The following TAFA5 variants were observed in gnomAD, a reference collection of about 807,000 sequenced individuals.
TAFA5 encodes chemokine-like protein TAFA-5.
TAFA5 carries 6 observed loss-of-function variants against 15.3 expected under a neutral mutation model. The observed-to-expected ratio is 0.39, with a 90% confidence interval of 0.21 to 0.77. The LOEUF (loss-of-function observed/expected upper bound fraction) is 0.77. Among genes scored for constraint, TAFA5 ranks in the 30% least tolerant of loss-of-function variants. TAFA5 has a pLI of 0.41. For synonymous variants in TAFA5, 103 were observed against 80.7 expected (o/e 1.28, Z -1.48); for missense variants, 161 against 193.1 (o/e 0.83, Z 0.98).
chr22:48,538,657 G>A (rs754064490), intron 1 of TAFA5, among the ~76,000 whole-genome samples: 1 of 152,192 alleles, frequency 6.6e-6, no homozygotes, highest in African/African-American at 2.4e-5. Context: ...TCTTCCACGC[G>A]TCTCTGTGCA....
intron 2 of TAFA5, among the ~76,000 whole-genome samples, chr22:48,688,068 TG>T (rs1928419775): frequency 6.8e-6 from 1 of 147,404 alleles, no homozygotes; most frequent in African/African-American, 2.5e-5. Flanking sequence ...TTATTACAGT[TG>T]GGGTTTTTTA....
At chr22:48,730,951 C>T (rs878932075) in intron 3 of TAFA5, among the ~76,000 whole-genome samples, 1 of 152,190 alleles carries the variant, frequency 6.6e-6, no homozygotes, top group Non-Finnish European at 1.5e-5. Context: ...GATCGAGCTT[C>T]GTGAGGAAGG....
chr22:48,631,472 G>A (rs1443057164), intron 1 of TAFA5, among the ~76,000 whole-genome samples: 8 of 152,218 alleles, frequency 5.3e-5, no homozygotes, highest in African/African-American at 1.7e-4. Flanking sequence ...AGTGGCTCGC[G>A]TGGATATTCC....
At chr22:48,674,743 G>A (rs6010581) in intron 2 of TAFA5, among the ~76,000 whole-genome samples, 9,492 of 152,182 alleles carry the variant, frequency 0.062, 924 homozygotes, top group African/African-American at 0.21. Flanking sequence ...TAGCTTGCCC[G>A]TTGGGTCTGC....
At chr22:48,616,088 C>T (rs1356479550) in intron 1 of TAFA5, among the ~76,000 whole-genome samples, 1 of 152,026 alleles carries the variant, frequency 6.6e-6, no homozygotes, top group African/African-American at 2.4e-5. Context: ...TGTGCTGATT[C>T]TCTGGGACCC....
chr22:48,702,255 AAGATGGGGCT>A, intron 2 of TAFA5, among the ~76,000 whole-genome samples: 1 of 152,166 alleles, frequency 6.6e-6, no homozygotes. Flanking sequence ...TGTGGGATGG[AAGATGGGGCT>A]GACTGGCACC....
chr22:48,626,706 A>C (rs1273087656), intron 1 of TAFA5, among the ~76,000 whole-genome samples: 1 of 152,222 alleles, frequency 6.6e-6, no homozygotes, highest in East Asian at 1.9e-4. Flanking sequence ...CTAATTTATC[A>C]AATGGTTTTC....
intron 1 of TAFA5, chr22:48,544,556 C>T: frequency 2.5e-6 from 1 of 398,500 alleles, no homozygotes; most frequent in Non-Finnish European, 5.2e-6. Flanking sequence ...TGCAACGGCG[C>T]TAACTGCATC....
rs150932673 is a variant in TAFA5 at position 48,656,364 on chromosome 22, G to A, written c.262+9618G>A. Among the ~76,000 whole-genome samples the A allele has an allele frequency of 3.7e-3, 562 of 152,114 alleles. 3 individuals carry two copies. The highest frequency in any genetic ancestry group is 5.6e-3 in the Non-Finnish European group (383 of 67,992). On this transcript the variant is annotated intron_variant, in intron 2 of 3. Coordinates refer to ENST00000402357, the MANE Select transcript of TAFA5 (RefSeq NM_001082967.3). The stretch of plus-strand genomic sequence containing the variant: ...ACTAAAAAATACAAAAAATGAGCTG[G>A]CTGTGGTGGCAGGTGCCTGTAGTCT...
chr22:48,735,992 G>A (rs113469457), intron 3 of TAFA5, among the ~76,000 whole-genome samples: 1,940 of 13,684 alleles, frequency 0.14, 404 homozygotes, highest in African/African-American at 0.4. Flanking sequence ...TCGCACTCCT[G>A]GAGTCCAGAG....
chr22:48,533,041 G>A (rs1285340542), intron 1 of TAFA5, among the ~76,000 whole-genome samples: 1 of 152,180 alleles, frequency 6.6e-6, no homozygotes, highest in Non-Finnish European at 1.5e-5. Flanking sequence ...TGCTGCCAGG[G>A]GACGGGGGTT....
intron 1 of TAFA5, among the ~76,000 whole-genome samples, chr22:48,511,771 A>G (rs1048526233): frequency 6.6e-6 from 1 of 152,192 alleles, no homozygotes; most frequent in Non-Finnish European, 1.5e-5. Flanking sequence ...GGAACCTTAC[A>G]AGACGGTGCT....
chr22:48,570,395 C>T (rs1451868153), intron 1 of TAFA5, among the ~76,000 whole-genome samples: 1 of 152,184 alleles, frequency 6.6e-6, no homozygotes, highest in Non-Finnish European at 1.5e-5. Flanking sequence ...TGGTAAAAAA[C>T]AAATTACAAT....
At position 48,707,973 on chromosome 22, in the gene TAFA5, G is replaced by C. The variant is rs148298390; in HGVS notation, c.390+129G>C. ...CTCCATCCTCATGCAGAGAGGCCAG[G>C]GCCCTGTCTCCTCCCCCACCTCCCT... On this transcript the variant is annotated intron_variant, in intron 3 of 3. Coordinates refer to ENST00000402357, the MANE Select transcript of TAFA5 (RefSeq NM_001082967.3). The C allele has an allele frequency of 6.9e-4, 864 of 1,251,004 alleles. 6 individuals are homozygous for C. The African/African-American group carries it at 0.011, about 16-fold the overall frequency. The allele number at this position is 1,251,004 out of a possible 1,614,324, so 77.5% of individuals were successfully genotyped here.
chr22:48,540,440 C>T (rs1232572453), intron 1 of TAFA5, among the ~76,000 whole-genome samples: 1 of 152,152 alleles, frequency 6.6e-6, no homozygotes, highest in East Asian at 1.9e-4. Flanking sequence ...GGAACGATGA[C>T]CGATTACCCG....
In TAFA5 at chr22:48,490,192, A is replaced by G. The variant is rs2147089500; in HGVS notation, c.112+488A>G. Among the ~76,000 whole-genome samples, 1 of 152,138 alleles carries G rather than the reference A, an allele frequency of 6.6e-6. No individual in the cohort carries two copies. The highest frequency in any genetic ancestry group is 1.5e-5 in the Non-Finnish European group (1 of 67,970). On this transcript the variant is annotated intron_variant, in intron 1 of 3. Transcript: ENST00000402357. The surrounding 1 kb of genome is among the most constrained non-coding windows in gnomAD (Gnocchi z 5.8). The stretch of plus-strand genomic sequence containing the variant: ...AGGCAGGAGCCCAGCCTGGGCTCGG[A>G]GGAGCAGCTGGAGCTTCCGCTTTCC...
intron 1 of TAFA5, among the ~76,000 whole-genome samples, chr22:48,582,270 A>G (rs1485316354): frequency 6.6e-6 from 1 of 151,934 alleles, no homozygotes; most frequent in African/African-American, 2.4e-5. Context: ...TACTGCACAC[A>G]CTACACACCA....
chr22:48,575,703 G>C (rs964483545), intron 1 of TAFA5, among the ~76,000 whole-genome samples: 1 of 145,828 alleles, frequency 6.9e-6, no homozygotes, highest in Non-Finnish European at 1.5e-5. Context: ...GGCGCGGGCT[G>C]CTGGGAGCGC....
At chr22:48,570,678 C>A (rs1923552139) in intron 1 of TAFA5, among the ~76,000 whole-genome samples, 1 of 152,216 alleles carries the variant, frequency 6.6e-6, no homozygotes, top group Non-Finnish European at 1.5e-5. Flanking sequence ...CACTGCCTTC[C>A]TCTTTTCATT....
Sources: gnomAD v4.1 joint callset for allele counts (sites outside exome capture counted in the v4.1 genomes callset) on GRCh38, gnomAD v4.1.1 for gene constraint, Gnocchi (gnomAD v3.1) non-coding constraint, MANE v1.5 for transcripts, NCBI Gene and HGNC (gene_info 2026-07-23, HGNC 2026-07-21) for gene names.